The following FKBP5 variants were observed in gnomAD, a reference collection of about 807,000 sequenced individuals.
FKBP5 encodes FKBP prolyl isomerase 5, also known as peptidyl-prolyl cis-trans isomerase FKBP5.
Under a neutral mutation model 50.5 loss-of-function variants are expected in FKBP5, and 23 were observed. The observed-to-expected ratio is 0.46, with a 90% confidence interval of 0.33 to 0.65. FKBP5 has a LOEUF of 0.65. FKBP5 is among the 30% of genes least tolerant of loss of function. The pLI, the probability that FKBP5 is intolerant of heterozygous loss-of-function variation, is 0.02. For synonymous variants in FKBP5, 176 were observed against 190.6 expected, an observed-to-expected ratio of 0.92 and a Z score of 0.63; for missense variants, 411 against 553.1, an observed-to-expected ratio of 0.74 and a Z score of 2.58.
chr6:35,675,863 C>G (rs577286763), intron 1 of FKBP5, among the ~76,000 whole-genome samples: 1 of 152,296 alleles, frequency 6.6e-6, no homozygotes, highest in African/African-American at 2.4e-5. Flanking sequence ...TTGGAATTCT[C>G]TTCTACACCA....
intron 3 of FKBP5, among the ~76,000 whole-genome samples, chr6:35,621,446 C>T (rs1460169026): frequency 2.0e-5 from 3 of 151,706 alleles, no homozygotes; most frequent in East Asian, 1.9e-4. Flanking sequence ...GGTGAAACCC[C>T]GTCTCTACTA....
At chr6:35,658,633 CAT>C in intron 1 of FKBP5, among the ~76,000 whole-genome samples, 1 of 152,212 alleles carries the variant, frequency 6.6e-6, no homozygotes, top group Non-Finnish European at 1.5e-5. Context: ...TTGAGCTGAT[CAT>C]ATGCTTTCTC....
intron 8 of FKBP5, chr6:35,584,517 C>T (rs977165021): frequency 3.2e-5 from 32 of 985,414 alleles, no homozygotes; most frequent in Admixed American, 6.1e-5. Flanking sequence ...AGACAAGGCC[C>T]GGGAGGGCAG....
chr6:35,606,941 T>G (rs1372679881), intron 5 of FKBP5, among the ~76,000 whole-genome samples: 2 of 152,280 alleles, frequency 1.3e-5, no homozygotes, highest in Non-Finnish European at 2.9e-5. Flanking sequence ...GCATTGTTTG[T>G]GTGTTTGTTT....
At chr6:35,693,165 T>C (rs1270878396), upstream of FKBP5, among the ~76,000 whole-genome samples, 53 of 142,198 alleles carry the variant, frequency 3.7e-4, no homozygotes, top group South Asian at 2.5e-3. Context: ...CTCTCTCTCT[T>C]TTTTTTTTTT....
At chr6:35,640,366 A>G (rs1057366140) in intron 2 of FKBP5, among the ~76,000 whole-genome samples, 1 of 152,226 alleles carries the variant, frequency 6.6e-6, no homozygotes, top group Non-Finnish European at 1.5e-5. Flanking sequence ...CAACATAGAA[A>G]AAGGTACAGT....
At chr6:35,683,070 C>T (rs1454672733) in intron 1 of FKBP5, among the ~76,000 whole-genome samples, 1 of 147,402 alleles carries the variant, frequency 6.8e-6, no homozygotes, top group African/African-American at 2.5e-5. Context: ...AAATATATAT[C>T]CCAAGCTCTT....
chr6:35,628,456 C>T (rs1764062145), intron 3 of FKBP5, among the ~76,000 whole-genome samples: 1 of 152,076 alleles, frequency 6.6e-6, no homozygotes, highest in Non-Finnish European at 1.5e-5. Context: ...AATATAAAAG[C>T]TGACAAACAA....
intron 9 of FKBP5, among the ~76,000 whole-genome samples, chr6:35,579,637 T>TATATGCTTTATATG (rs1762359643): frequency 6.6e-6 from 1 of 152,174 alleles, no homozygotes. Flanking sequence ...TTGACCTATA[T>TATATGCTTTATATG]ATATGCTTTA....
chr6:35,720,166 T>C (rs1031101525), intron 2 of FKBP5, among the ~76,000 whole-genome samples: 4 of 151,890 alleles, frequency 2.6e-5, no homozygotes, highest in Admixed American at 6.6e-5. Flanking sequence ...GAGAGGGGTG[T>C]GTGTATGTTA....
At chr6:35,600,405 G>T (rs1383538835) in intron 5 of FKBP5, among the ~76,000 whole-genome samples, 1 of 151,382 alleles carries the variant, frequency 6.6e-6, no homozygotes. Context: ...GTGACAGAGT[G>T]AGACCGTCTC....
At chr6:35,601,276 TACTG>T (rs1356088493) in intron 5 of FKBP5, among the ~76,000 whole-genome samples, 1 of 152,224 alleles carries the variant, frequency 6.6e-6, no homozygotes, top group Non-Finnish European at 1.5e-5. Context: ...CGCCTTGTAA[TACTG>T]ACAACATTCG....
intron 2 of FKBP5, among the ~76,000 whole-genome samples, chr6:35,712,740 A>G (rs1452371109): frequency 6.6e-6 from 1 of 152,172 alleles, no homozygotes; most frequent in Admixed American, 6.5e-5. Flanking sequence ...GGCTACCCTC[A>G]GGGAGATGCT....
At position 35,661,466 on chromosome 6, in the gene FKBP5, T is replaced by C. The variant is rs779161412; in HGVS notation, c.-19-18623A>G. Among the ~76,000 whole-genome samples the C allele has an allele frequency of 7.1e-5, 6 of 84,286 alleles. 3 individuals carry two copies. Among genetic ancestry groups the C allele is most frequent in the Non-Finnish European group, 1.1e-4 (4 of 36,736 alleles). The allele number at this position is 84,286 out of a possible 152,430, so 55.3% of individuals were successfully genotyped here. ...CATTTTTGTGCCTAAGCTTTTATCA[T>C]ATGTAATTGAAAGTATGGCTTCTTG... On this transcript the variant is annotated intron_variant, in intron 1 of 10. Coordinates refer to ENST00000357266, the MANE Select transcript of FKBP5 (RefSeq NM_004117.4).
In FKBP5 at chr6:35,642,002, TAAAATA is replaced by T. The variant is rs1764506519; in HGVS notation, c.105+712_105+717del. 3.7e-5 allele frequency among the ~76,000 whole-genome samples: 5 copies of T among 134,158 alleles called. No individual in the cohort carries two copies. In the South Asian group the frequency reaches 1.1e-3, roughly 29 times the overall value. The allele number at this position is 134,158 out of a possible 152,430, so 88.0% of individuals were successfully genotyped here. A position where few individuals can be genotyped will look rare whatever the true frequency, so the allele number is the denominator to read the frequency against. On this transcript the variant is annotated intron_variant, in intron 2 of 10. Transcript: ENST00000357266. ...AGGGAGACTCTGTCTCAAAATAAAA[TAAAATA>T]AAATAAAATAAAATAAAATAAAATA...
At chr6:35,612,704 G>C (rs1763527024) in intron 5 of FKBP5, among the ~76,000 whole-genome samples, 1 of 152,234 alleles carries the variant, frequency 6.6e-6, no homozygotes, top group Non-Finnish European at 1.5e-5. Context: ...GCAGAAGAGG[G>C]AAGAGCCAGC....
rs1764530507 is a variant in FKBP5, at chr6:35,642,766, T to G, written c.59A>C (p.Glu20Ala). Reference sequence around the variant, plus strand: ...TTTGGAGGTAATATCCTCTCCCTGCTCAGCAACAGTGGCTGTGGGGCTTTC... The same window carrying G: ...TTTGGAGGTAATATCCTCTCCCTGCGCAGCAACAGTGGCTGTGGGGCTTTC... The part of the protein sequence containing the change: ...NEESPTATVA[E>A]QGEDITSKKD... The change falls in exon 2 of 11, where the codon GAG (glutamate) becomes GCG (alanine). Residue 20 changes from glutamate (E) to alanine (A), a missense_variant. Physicochemically the swap from Glu to Ala is moderately radical, Grantham distance 107. Around this residue, in one of 3 missense-constraint regions of FKBP5, gnomAD observed 56 missense variants for 58.2 expected, o/e 0.96. Transcript: ENST00000357266. The G allele has an allele frequency of 6.2e-6, 10 of 1,614,096 alleles. No individual in the cohort carries two copies. Among genetic ancestry groups the G allele is most frequent in the Non-Finnish European group, 8.5e-6 (10 of 1,179,998 alleles).
intron 1 of FKBP5, among the ~76,000 whole-genome samples, chr6:35,722,468 C>A (rs1015660752): frequency 6.6e-6 from 1 of 152,142 alleles, no homozygotes; most frequent in African/African-American, 2.4e-5. Flanking sequence ...CTGAAGCTCC[C>A]GGGCTGCAGG....
intron 2 of FKBP5, 98 bp from the exon 3 acceptor site, chr6:35,637,256 A>G: frequency 3.1e-6 from 3 of 982,666 alleles, no homozygotes; most frequent in African/African-American, 1.6e-5. Context: ...ATCCAGGCAG[A>G]TATGCAAATA....
Sources: gnomAD v4.1 joint callset for allele counts (sites outside exome capture counted in the v4.1 genomes callset) on GRCh38, gnomAD v4.1.1 for gene constraint, gnomAD v4.1.1 regional missense constraint, MANE v1.5 for transcripts, NCBI Gene and HGNC (gene_info 2026-07-23, HGNC 2026-07-21) for gene names.